MAF: variants seen among roughly 807,000 people sequenced by gnomAD.
The protein encoded by MAF is transcription factor Maf.
In MAF, 10 loss-of-function variants were observed where a neutral mutation model predicts 22.0. The ratio of observed to expected loss-of-function variants is 0.45; its 90% CI spans 0.28 to 0.77. MAF has a LOEUF of 0.77. MAF is among the 30% of genes least tolerant of loss of function. The pLI is 0.12. For missense variants in MAF, 544 were observed against 548.4 expected, an observed-to-expected ratio of 0.99 and a Z score of 0.08; for synonymous variants, 337 against 255.8, an observed-to-expected ratio of 1.32 and a Z score of -3.03.
chr16:79,514,804 T>G, the MAF span, among the ~76,000 whole-genome samples: 28 of 152,220 alleles, frequency 1.8e-4, no homozygotes, highest in African/African-American at 6.8e-4. Flanking sequence ...AGTTCACTGA[T>G]AGCGGCTTGG....
chr16:79,209,839 C>T, the MAF span, among the ~76,000 whole-genome samples: 1 of 152,144 alleles, frequency 6.6e-6, no homozygotes, highest in Non-Finnish European at 1.5e-5. Flanking sequence ...GTGCCAGGTG[C>T]TAAGCTCAGG....
At chr16:79,546,154 A>G in the MAF span, among the ~76,000 whole-genome samples, 3 of 152,200 alleles carry the variant, frequency 2.0e-5, no homozygotes, top group African/African-American at 7.2e-5. Context: ...GATGAACTTT[A>G]AAACTTGATT....
At chr16:79,468,158 T>G in the MAF span, among the ~76,000 whole-genome samples, 1 of 152,226 alleles carries the variant, frequency 6.6e-6, no homozygotes, top group East Asian at 1.9e-4. Flanking sequence ...CGCCATTTTC[T>G]CTTCCCGGGC....
At chr16:79,547,918 G>GAGAGAGAGAGAC in the MAF span, among the ~76,000 whole-genome samples, 1 of 119,762 alleles carries the variant, frequency 8.3e-6, no homozygotes, top group African/African-American at 2.7e-5. Flanking sequence ...GAGAGAGAGA[G>GAGAGAGAGAGAC]ATAGAGAGAG....
chr16:79,386,909 G>C, the MAF span, among the ~76,000 whole-genome samples: 2 of 152,176 alleles, frequency 1.3e-5, no homozygotes, highest in Non-Finnish European at 2.9e-5. Flanking sequence ...AACTGAGGCA[G>C]TTCTTTGAAG....
the MAF span, among the ~76,000 whole-genome samples, chr16:79,355,672 C>T: frequency 6.6e-6 from 1 of 152,168 alleles, no homozygotes; most frequent in South Asian, 2.1e-4. Flanking sequence ...AAAGTTGTTT[C>T]TAGTACTCAA....
the MAF span, among the ~76,000 whole-genome samples, chr16:79,228,034 G>T: frequency 1.3e-5 from 2 of 152,056 alleles, no homozygotes; most frequent in Non-Finnish European, 2.9e-5. Context: ...CTCCCAAGTA[G>T]CTAGGACTAT....
chr16:79,568,218 G>C, the MAF span, among the ~76,000 whole-genome samples: 2 of 152,226 alleles, frequency 1.3e-5, no homozygotes, highest in African/African-American at 4.8e-5. Context: ...TCAGATAGGA[G>C]CTGGAAGCTC....
the MAF span, among the ~76,000 whole-genome samples, chr16:79,411,714 G>C: frequency 2.6e-5 from 4 of 152,190 alleles, no homozygotes; most frequent in Admixed American, 6.5e-5. Context: ...CAACTTTCTA[G>C]ACACACCATG....
At chr16:79,534,117 C>G in the MAF span, among the ~76,000 whole-genome samples, 1 of 152,178 alleles carries the variant, frequency 6.6e-6, no homozygotes, top group Admixed American at 6.5e-5. Flanking sequence ...AGGCAACTGG[C>G]CTAACATTGG....
the MAF span, among the ~76,000 whole-genome samples, chr16:79,554,327 C>G: frequency 6.6e-6 from 1 of 152,148 alleles, no homozygotes; most frequent in Non-Finnish European, 1.5e-5. Flanking sequence ...GGTTCCATAT[C>G]CATGTCTGCT....
chr16:79,484,230 G>C, the MAF span, among the ~76,000 whole-genome samples: 2 of 152,186 alleles, frequency 1.3e-5, no homozygotes, highest in Admixed American at 1.3e-4. Flanking sequence ...GGTCCCCTGA[G>C]AATCCACTGA....
the MAF span, among the ~76,000 whole-genome samples, chr16:79,444,412 T>G: frequency 6.6e-6 from 1 of 152,196 alleles, no homozygotes; most frequent in Non-Finnish European, 1.5e-5. Context: ...GTCGGACAGG[T>G]ACATTCCAAA....
the MAF span, among the ~76,000 whole-genome samples, chr16:79,362,014 G>A: frequency 6.6e-5 from 10 of 152,050 alleles, no homozygotes; most frequent in African/African-American, 2.4e-4. Context: ...AAGATGAACT[G>A]GATTAGGAAG....
chr16:79,221,244 T>G, the MAF span, among the ~76,000 whole-genome samples: 289 of 152,290 alleles, frequency 1.9e-3, no homozygotes, highest in African/African-American at 6.8e-3. Flanking sequence ...TTGAAGGACT[T>G]TATGATGAAG....
chr16:79,212,408 C>G, the MAF span: 1 of 409,920 alleles, frequency 2.4e-6, no homozygotes, highest in Non-Finnish European at 4.3e-6. Context: ...TTGTCATAGA[C>G]TCCTTTGCTA....
the MAF span, among the ~76,000 whole-genome samples, chr16:79,573,166 T>C: frequency 6.6e-6 from 1 of 152,208 alleles, no homozygotes; most frequent in African/African-American, 2.4e-5. Context: ...ATTAAGGAAA[T>C]TAGGTTTTTG....
the MAF span, among the ~76,000 whole-genome samples, chr16:79,384,143 T>G: frequency 1.3e-5 from 2 of 152,034 alleles, no homozygotes; most frequent in African/African-American, 4.8e-5. Context: ...ATTTAAGCAT[T>G]GTTTTAAAAA....
chr16:79,260,493 ATATCTAT>A, the MAF span, among the ~76,000 whole-genome samples: 20 of 150,270 alleles, frequency 1.3e-4, no homozygotes, highest in African/African-American at 5.0e-4. Flanking sequence ...ATCTATATCT[ATATCTAT>A]ATCTATATAT....
Sources: allele counts gnomAD v4.1 joint callset (sites outside exome capture counted in the v4.1 genomes callset), GRCh38; gene constraint gnomAD v4.1.1; transcripts MANE v1.5; gene names NCBI Gene and HGNC (gene_info 2026-07-23, HGNC 2026-07-21).